The following CADPS2 variants were observed in gnomAD, a reference collection of about 807,000 sequenced individuals.
CADPS2 encodes calcium-dependent secretion activator 2.
In CADPS2, 93 loss-of-function variants were observed where a neutral mutation model predicts 172.5. The ratio of observed to expected loss-of-function variants is 0.54; its 90% CI spans 0.46 to 0.64. The LOEUF is 0.64. CADPS2 is among the 30% of genes least tolerant of loss of function. CADPS2 has a pLI of 0.00. For synonymous variants in CADPS2, 546 were observed against 555.2 expected (o/e 0.98, Z 0.23); for missense variants, 1,420 against 1,565.9 (o/e 0.91, Z 1.57).
At chr7:122,774,066 C>G (rs2093788982) in intron 1 of CADPS2, among the ~76,000 whole-genome samples, 1 of 151,922 alleles carries the variant, frequency 6.6e-6, no homozygotes, top group African/African-American at 2.4e-5. Context: ...ACACTAAAGT[C>G]TTGCAAGCAT....
intron 2 of CADPS2, among the ~76,000 whole-genome samples, chr7:122,736,505 T>A (rs1038952463): frequency 2.6e-5 from 4 of 152,164 alleles, no homozygotes; most frequent in Admixed American, 6.6e-5. Flanking sequence ...CAGAATGGTA[T>A]TGGTAGTATT....
intron 14 of CADPS2, among the ~76,000 whole-genome samples, chr7:122,456,161 T>A (rs1314958829): frequency 1.3e-5 from 2 of 152,000 alleles, no homozygotes; most frequent in Non-Finnish European, 2.9e-5. Context: ...TTATTTTAAT[T>A]AATAATAAAA....
intron 20 of CADPS2, among the ~76,000 whole-genome samples, chr7:122,406,557 C>T (rs916418417): frequency 6.6e-6 from 1 of 152,148 alleles, no homozygotes; most frequent in African/African-American, 2.4e-5. Flanking sequence ...CTGAGCACCA[C>T]ACTCCAGAAG....
chr7:122,377,963 T>C (rs556683146), intron 25 of CADPS2, among the ~76,000 whole-genome samples: 1 of 152,266 alleles, frequency 6.6e-6, no homozygotes, highest in South Asian at 2.1e-4. Flanking sequence ...AAAAATGAAC[T>C]ATACTCCCAT....
intron 3 of CADPS2, among the ~76,000 whole-genome samples, chr7:122,637,417 G>A (rs1054923140): frequency 2.0e-5 from 3 of 151,936 alleles, no homozygotes; most frequent in Admixed American, 6.6e-5. Flanking sequence ...TGATCCTCTT[G>A]CCTTGGCCTC....
intron 23 of CADPS2, among the ~76,000 whole-genome samples, chr7:122,387,419 C>T (rs1430661625): frequency 6.6e-6 from 1 of 151,916 alleles, no homozygotes; most frequent in Non-Finnish European, 1.5e-5. Context: ...TATTGCCACC[C>T]AAATGAAGCT....
At chr7:122,493,908 G>T (rs7788631) in intron 9 of CADPS2, among the ~76,000 whole-genome samples, 3,202 of 151,964 alleles carry the variant, frequency 0.021, 115 homozygotes, top group African/African-American at 0.073. Flanking sequence ...TTCATCATTT[G>T]TACCCTTCTC....
intron 6 of CADPS2, among the ~76,000 whole-genome samples, chr7:122,592,992 A>G (rs1044338247): frequency 4.0e-5 from 6 of 150,346 alleles, no homozygotes; most frequent in East Asian, 2.0e-4. Context: ...TAAAATGAAT[A>G]AATAAATAAA....
At chr7:122,567,287 C>T (rs921690121) in intron 7 of CADPS2, among the ~76,000 whole-genome samples, 2 of 151,974 alleles carry the variant, frequency 1.3e-5, no homozygotes, top group Admixed American at 1.3e-4. Flanking sequence ...GAACTCAATC[C>T]CATCAGCACC....
At chr7:122,626,205 A>C (rs977719733) in intron 4 of CADPS2, among the ~76,000 whole-genome samples, 3 of 152,210 alleles carry the variant, frequency 2.0e-5, no homozygotes, top group African/African-American at 7.2e-5. Context: ...AACATAGGGA[A>C]TCATCACAGA....
At chr7:122,801,859 G>A (rs1797732761) in intron 1 of CADPS2, among the ~76,000 whole-genome samples, 1 of 151,610 alleles carries the variant, frequency 6.6e-6, no homozygotes, top group Non-Finnish European at 1.5e-5. Flanking sequence ...AAAGTGCTGG[G>A]ATTACAGGCG....
At chr7:122,665,414 C>A (rs2081083611) in intron 2 of CADPS2, among the ~76,000 whole-genome samples, 2 of 152,194 alleles carry the variant, frequency 1.3e-5, no homozygotes, top group Admixed American at 6.5e-5. Context: ...TACTGAAACA[C>A]TGGTAGTAAA....
intron 17 of CADPS2, among the ~76,000 whole-genome samples, chr7:122,425,428 A>C (rs76429478): frequency 7.4e-6 from 1 of 134,682 alleles, no homozygotes. Flanking sequence ...TCTCTACCAA[A>C]AAAAAAAAAA....
intron 9 of CADPS2, among the ~76,000 whole-genome samples, chr7:122,506,913 A>G (rs1417643979): frequency 2.0e-5 from 3 of 152,110 alleles, no homozygotes; most frequent in African/African-American, 7.2e-5. Context: ...TTTCAGAACA[A>G]TGTTGAGAAT....
rs1311191604 is a variant in CADPS2 at position 122,319,753 on chromosome 7, A to C, written c.*412T>G. The C allele has an allele frequency of 3.2e-5, 5 of 157,676 alleles. No homozygotes were observed. The highest frequency in any genetic ancestry group is 5.6e-5 in the Non-Finnish European group (4 of 72,040). 9.8% of individuals were successfully genotyped at this position (157,676 alleles called of 1,614,324 possible). ...AACAAGGATACGACAGTGTTGGTGC[A>C]GTGGTCCGAACTGACTTCTCACAAT... On this transcript the variant is annotated 3_prime_UTR_variant, in exon 30 of 30. Transcript: ENST00000449022.
intron 6 of CADPS2, among the ~76,000 whole-genome samples, chr7:122,610,734 T>A (rs563045840): frequency 6.6e-6 from 1 of 152,080 alleles, no homozygotes; most frequent in Non-Finnish European, 1.5e-5. Flanking sequence ...AAAAAAACCA[T>A]GGCATTGAGA....
intron 25 of CADPS2, among the ~76,000 whole-genome samples, chr7:122,373,228 T>C (rs2041976715): frequency 6.6e-6 from 1 of 152,138 alleles, no homozygotes; most frequent in African/African-American, 2.4e-5. Context: ...CCAGTCTGGA[T>C]GAAGATTCAC....
chr7:122,373,367 T>C (rs1203356170), intron 25 of CADPS2, among the ~76,000 whole-genome samples: 1 of 152,192 alleles, frequency 6.6e-6, no homozygotes, highest in Non-Finnish European at 1.5e-5. Flanking sequence ...GATTGGGGTA[T>C]GGAAATCTGC....
At chr7:122,351,307 A>C (rs1754227660) in intron 27 of CADPS2, among the ~76,000 whole-genome samples, 1 of 137,844 alleles carries the variant, frequency 7.3e-6, no homozygotes, top group African/African-American at 2.7e-5. Flanking sequence ...CAGGAGGCAG[A>C]GCTTGCAGTG....
Sources: gnomAD v4.1 joint callset for allele counts (sites outside exome capture counted in the v4.1 genomes callset) on GRCh38, gnomAD v4.1.1 for gene constraint, MANE v1.5 for transcripts, NCBI Gene and HGNC (gene_info 2026-07-23, HGNC 2026-07-21) for gene names.